VAT1L: variants seen among roughly 807,000 people sequenced by gnomAD.
VAT1L encodes the protein vesicle amine transport 1 like, also known as putative NADPH-dependent quinone oxidoreductase VAT1L.
In VAT1L, 34 loss-of-function variants were observed where a neutral mutation model predicts 44.1. The observed-to-expected ratio is 0.77, with a 90% CI of 0.59 to 1.03. VAT1L has a LOEUF of 1.03. Among genes scored for constraint, VAT1L ranks in the 50% least tolerant of loss-of-function variants. VAT1L has a pLI of 0.00. For synonymous variants in VAT1L, 253 were observed against 202.2 expected (o/e 1.25, Z -2.13); for missense variants, 615 against 538.8 (o/e 1.14, Z -1.40).
intron 3 of VAT1L, among the ~76,000 whole-genome samples, chr16:77,845,825 C>A (rs1047078053): frequency 2.0e-5 from 3 of 152,186 alleles, no homozygotes; most frequent in Non-Finnish European, 2.9e-5. Context: ...TGCCTCTATG[C>A]CCTCTACATT....
At chr16:77,887,651 G>C (rs16946744) in intron 7 of VAT1L, among the ~76,000 whole-genome samples, 1,931 of 152,296 alleles carry the variant, frequency 0.013, 31 homozygotes, top group African/African-American at 0.043. Context: ...TAAGGATACA[G>C]AGCAAAGGTA....
At chr16:77,901,833 G>T (rs1426192913) in intron 7 of VAT1L, among the ~76,000 whole-genome samples, 2 of 152,180 alleles carry the variant, frequency 1.3e-5, no homozygotes, top group African/African-American at 4.8e-5. Context: ...ACCAAAGTGG[G>T]CAGAGCAAGA....
intron 7 of VAT1L, among the ~76,000 whole-genome samples, chr16:77,886,198 A>G (rs1336948463): frequency 6.6e-6 from 1 of 152,152 alleles, no homozygotes; most frequent in Non-Finnish European, 1.5e-5. Context: ...TCTGCTGTGT[A>G]ATTGCCAATA....
rs1029737084 is a variant in VAT1L at position 77,963,811 on chromosome 16, T to C, written c.1078-8039T>C. Among the ~76,000 whole-genome samples, 58 of 152,200 alleles carry C rather than the reference T, an allele frequency of 3.8e-4. 1 individual carries two copies. Among genetic ancestry groups the C allele is most frequent in the African/African-American group, 1.3e-3 (53 of 41,524 alleles). ...TATTGGGGAAGCCATGGGAAAGTGA[T>C]TTTCACTTCTCTGTGATACTTCCCA... On this transcript the variant is annotated intron_variant, in intron 7 of 8. Coordinates refer to ENST00000302536, the MANE Select transcript of VAT1L (RefSeq NM_020927.3).
At chr16:77,813,057 A>G (rs1361690809) in intron 1 of VAT1L, among the ~76,000 whole-genome samples, 1 of 152,120 alleles carries the variant, frequency 6.6e-6, no homozygotes, top group Non-Finnish European at 1.5e-5. Flanking sequence ...AGGCATAGTC[A>G]TTGCCACCCC....
At chr16:77,948,734 A>T (rs2018002994) in intron 7 of VAT1L, among the ~76,000 whole-genome samples, 1 of 152,204 alleles carries the variant, frequency 6.6e-6, no homozygotes, top group Non-Finnish European at 1.5e-5. Context: ...TAAATATTTC[A>T]TAAACATTCT....
chr16:77,937,857 A>T (rs1445585002), intron 7 of VAT1L, among the ~76,000 whole-genome samples: 1 of 152,262 alleles, frequency 6.6e-6, no homozygotes, highest in Non-Finnish European at 1.5e-5. Context: ...TTGGGAATTC[A>T]GAAGAGACAG....
At chr16:77,900,929 A>G (rs775017597) in intron 7 of VAT1L, among the ~76,000 whole-genome samples, 1 of 152,052 alleles carries the variant, frequency 6.6e-6, no homozygotes, top group Non-Finnish European at 1.5e-5. Context: ...TTTTCTAAGC[A>G]GAGACACAGA....
chr16:77,839,811 A>G (rs922636852), intron 3 of VAT1L, among the ~76,000 whole-genome samples: 9 of 152,166 alleles, frequency 5.9e-5, no homozygotes, highest in Admixed American at 1.3e-4. Context: ...TAAGAATTAA[A>G]TATCACCCTC....
In VAT1L at chr16:77,940,964, G is replaced by A. The variant is rs139315327; in HGVS notation, c.1078-30886G>A. The stretch of plus-strand genomic sequence containing the variant: ...ATCCCTCTCCCTTTTCAACAAAGAG[G>A]GAGCAGGCTTCAAGTTCAGAGTCTT... On this transcript the variant is annotated intron_variant, in intron 7 of 8. Coordinates refer to ENST00000302536, the MANE Select transcript of VAT1L (RefSeq NM_020927.3). Among the ~76,000 whole-genome samples the A allele has an allele frequency of 4.6e-5, 7 of 152,186 alleles. No individual in the cohort carries two copies. In the East Asian group the frequency reaches 1.4e-3, roughly 29 times the overall value.
intron 7 of VAT1L, among the ~76,000 whole-genome samples, chr16:77,966,932 T>TAAA (rs55896887): frequency 7.5e-5 from 8 of 106,576 alleles, no homozygotes; most frequent in African/African-American, 2.7e-4. Context: ...TAGAGTACTT[T>TAAA]AAAAAAAAAA....
intron 7 of VAT1L, among the ~76,000 whole-genome samples, chr16:77,944,380 A>G (rs1371297482): frequency 6.6e-6 from 1 of 152,212 alleles, no homozygotes; most frequent in Non-Finnish European, 1.5e-5. Context: ...CTCCCCAGGC[A>G]GAGGTATAAA....
chr16:77,896,994 T>A (rs2017331567), intron 7 of VAT1L, among the ~76,000 whole-genome samples: 1 of 152,168 alleles, frequency 6.6e-6, no homozygotes, highest in African/African-American at 2.4e-5. Context: ...GCCTTTGAGG[T>A]TGATGGAGAA....
intron 7 of VAT1L, among the ~76,000 whole-genome samples, chr16:77,955,304 C>T (rs1408304812): frequency 6.6e-6 from 1 of 152,186 alleles, no homozygotes; most frequent in African/African-American, 2.4e-5. Context: ...AACGGGGTAG[C>T]GCTACTGACA....
At chr16:77,922,159 G>T (rs193106615) in intron 7 of VAT1L, among the ~76,000 whole-genome samples, 1 of 151,544 alleles carries the variant, frequency 6.6e-6, no homozygotes, top group South Asian at 2.1e-4. Flanking sequence ...AGAATCTCTC[G>T]CTGTGTGAGT....
intron 7 of VAT1L, among the ~76,000 whole-genome samples, chr16:77,951,710 G>A (rs186400414): frequency 3.9e-4 from 60 of 152,262 alleles, no homozygotes; most frequent in South Asian, 2.9e-3. Context: ...ATTTGAGGGA[G>A]GGGAAGGAGG....
chr16:77,889,391 T>C (rs2017240574), intron 7 of VAT1L, among the ~76,000 whole-genome samples: 1 of 152,208 alleles, frequency 6.6e-6, no homozygotes, highest in African/African-American at 2.4e-5. Flanking sequence ...TGGAAGAAAG[T>C]TAGTCTCACC....
intron 4 of VAT1L, among the ~76,000 whole-genome samples, chr16:77,863,798 C>T (rs1037380710): frequency 3.9e-5 from 6 of 152,168 alleles, no homozygotes; most frequent in African/African-American, 1.4e-4. Flanking sequence ...TGAGGTGAGG[C>T]TGAGCAAGGA....
At chr16:77,795,166 C>G (rs893180979) in intron 1 of VAT1L, among the ~76,000 whole-genome samples, 1 of 151,880 alleles carries the variant, frequency 6.6e-6, no homozygotes, top group African/African-American at 2.4e-5. Flanking sequence ...CTCCCTCAAT[C>G]TGTATCTTCA....
Sources: allele counts gnomAD v4.1 joint callset (sites outside exome capture counted in the v4.1 genomes callset), GRCh38; gene constraint gnomAD v4.1.1; transcripts MANE v1.5; gene names NCBI Gene and HGNC (gene_info 2026-07-23, HGNC 2026-07-21).